Variants in DBF4 observed in about 807,000 individuals in gnomAD.
DBF4 encodes DBF4-CDC7 kinase regulatory subunit.
In DBF4, 25 loss-of-function variants were observed where a neutral mutation model predicts 76.6. The observed-to-expected ratio is 0.33, with a 90% CI of 0.24 to 0.46. The LOEUF (loss-of-function observed/expected upper bound fraction) is 0.46. DBF4 is among the 20% of genes least tolerant of loss of function. DBF4 has a pLI of 1.00. For missense variants in DBF4, 638 were observed against 760.8 expected (o/e 0.84, Z 1.90); for synonymous variants, 213 against 258.0 (o/e 0.83, Z 1.67).
chr7:87,878,307 T>C, intron 2 of DBF4, 82 bp downstream of exon 2: 1 of 1,132,794 alleles, frequency 8.8e-7, no homozygotes, highest in Non-Finnish European at 1.2e-6. Context: ...AATTTTTCAT[T>C]TTGGAAAACG....
chr7:87,905,183 A>G (rs927636999), intron 11 of DBF4, among the ~76,000 whole-genome samples: 12 of 152,202 alleles, frequency 7.9e-5, no homozygotes, highest in Middle Eastern at 3.2e-3. Context: ...AGAGCCAGAT[A>G]GTTGATATTT....
intron 2 of DBF4, among the ~76,000 whole-genome samples, chr7:87,884,749 C>T (rs1350984947): frequency 6.6e-6 from 1 of 152,088 alleles, no homozygotes; most frequent in African/African-American, 2.4e-5. Context: ...TTTTACTGTG[C>T]TTGGCATATG....
intron 2 of DBF4, among the ~76,000 whole-genome samples, chr7:87,884,677 G>A (rs150249248): frequency 0.011 from 1,611 of 152,282 alleles, 35 homozygotes; most frequent in African/African-American, 0.037. Flanking sequence ...CAGAGATCTA[G>A]GTTCAGAAAA....
intron 5 of DBF4, 30 bp from the exon 6 acceptor site, chr7:87,887,953 A>T (rs1839400144): frequency 6.6e-7 from 1 of 1,507,428 alleles, no homozygotes; most frequent in South Asian, 1.3e-5. Context: ...TAAAATTGCT[A>T]ATCTTAAAAC....
rs990671073 is a variant in DBF4, at chr7:87,907,125, C to G, written c.1050-63C>G. On this transcript the variant is annotated intron_variant, in intron 11 of 11. Coordinates refer to ENST00000265728, the MANE Select transcript of DBF4 (RefSeq NM_006716.4). ...ATGTTTTTACTAATTTAATTTCTAA[C>G]TACTCAGGAATTTGTTTTGATAGCA... 12 of 1,359,410 alleles carry G rather than the reference C, an allele frequency of 8.8e-6. No homozygotes were observed. The African/African-American group carries it at 1.8e-4, about 20-fold the overall frequency. The allele number at this position is 1,359,410 out of a possible 1,614,324, so 84.2% of individuals were successfully genotyped here.
rs922533252 is a variant in DBF4, at chr7:87,882,351, G to T, written c.220-2628G>T. 2.8e-4 allele frequency among the ~76,000 whole-genome samples: 42 copies of T among 152,170 alleles called. 1 individual carries two copies. Among genetic ancestry groups the T allele is most frequent in the Admixed American group, 2.7e-3 (42 of 15,288 alleles). On this transcript the variant is annotated intron_variant, in intron 2 of 11. Transcript: ENST00000265728. The stretch of plus-strand genomic sequence containing the variant: ...CTCAAAATGGATCTAAGATTTATTT[G>T]TAAGAACTGAAACTCTTAGTGGAAA...
chr7:87,879,209 A>G (rs566612078), intron 2 of DBF4, among the ~76,000 whole-genome samples: 1 of 152,274 alleles, frequency 6.6e-6, no homozygotes, highest in East Asian at 1.9e-4. Flanking sequence ...TCAGCCTTCT[A>G]AAGCGCTGGG....
chr7:87,884,497 A>G (rs1839294954), intron 2 of DBF4, among the ~76,000 whole-genome samples: 1 of 152,246 alleles, frequency 6.6e-6, no homozygotes, highest in African/African-American at 2.4e-5. Flanking sequence ...ATTATTTGCT[A>G]CTGGGTAACA....
Position 87,876,674 on chromosome 7 carries a change from C to CG in DBF4, c.-58dup, listed in dbSNP as rs1320597895. Reference sequence around the variant, plus strand: ...AACAGGCCGGGGGAAGCCGTGCTTTCGCGGCTGCCCGGTGCGACACTTTCT... The same window carrying CG: ...AACAGGCCGGGGGAAGCCGTGCTTTCGGCGGCTGCCCGGTGCGACACTTTCT... On this transcript the variant is annotated 5_prime_UTR_variant, in exon 1 of 12. Transcript: ENST00000265728. 2 of 1,598,872 alleles carry CG rather than the reference C, an allele frequency of 1.3e-6. No individual in the cohort carries two copies. The highest frequency in any genetic ancestry group is 1.7e-6 in the Non-Finnish European group (2 of 1,170,394).
chr7:87,896,661 C>G, intron 7 of DBF4, 151 bp downstream of exon 7: 2 of 581,322 alleles, frequency 3.4e-6, no homozygotes, highest in South Asian at 6.3e-5. Context: ...TTTGGTGAAG[C>G]CTGTGGACCG....
rs1839983538 is a variant in DBF4 at position 87,909,192 on chromosome 7, TTACTGA to T, written c.*1033_*1038del. On this transcript the variant is annotated 3_prime_UTR_variant, in exon 12 of 12. Transcript: ENST00000265728. ...TACAAGGATTGCCTTGATCTGGCAC[TTACTGA>T]TACAAGCATTTGGAGAAGAGAAAAT... is the stretch of plus-strand genomic sequence containing the variant. The T allele has an allele frequency of 6.6e-6, 1 of 152,242 alleles. No individual in the cohort carries two copies. Among genetic ancestry groups the T allele is most frequent in the Non-Finnish European group, 1.5e-5 (1 of 68,036 alleles). 9.4% of individuals were successfully genotyped at this position (152,242 alleles called of 1,614,324 possible).
At position 87,900,965 on chromosome 7, in the gene DBF4, A is replaced by G. The variant is rs944221563; in HGVS notation, c.924+87A>G. ...TTTAGCTTGTTATTCTGATGCAGAT[A>G]TTTTACATTTTAAGAACTCAAGGGA... On this transcript the variant is annotated intron_variant, in intron 10 of 11. Coordinates refer to ENST00000265728, the MANE Select transcript of DBF4 (RefSeq NM_006716.4). 5 of 1,111,488 alleles carry G rather than the reference A, an allele frequency of 4.5e-6. No homozygotes were observed. The African/African-American group carries it at 6.3e-5, about 14-fold the overall frequency. The allele number at this position is 1,111,488 out of a possible 1,614,324, so 68.9% of individuals were successfully genotyped here.
chr7:87,878,000 A>G (rs1030347265), intron 1 of DBF4, 53 bp from the exon 2 acceptor site: 4 of 1,322,328 alleles, frequency 3.0e-6, no homozygotes, highest in African/African-American at 1.5e-5. Context: ...GAAATATTTT[A>G]AAAATAGTAA....
At chr7:87,901,101 C>T (rs959873282) in intron 10 of DBF4, among the ~76,000 whole-genome samples, 8 of 151,782 alleles carry the variant, frequency 5.3e-5, no homozygotes, top group Non-Finnish European at 7.4e-5. Context: ...AATTTTTTAC[C>T]GTTGTGAAGA....
chr7:87,879,607 A>C (rs777993658), intron 2 of DBF4, among the ~76,000 whole-genome samples: 14 of 152,164 alleles, frequency 9.2e-5, no homozygotes, highest in African/African-American at 1.9e-4. Context: ...TAGCTTCTTA[A>C]TTCCCACAGC....
At chr7:87,902,609 A>C (rs1040224979) in intron 10 of DBF4, among the ~76,000 whole-genome samples, 1 of 152,226 alleles carries the variant, frequency 6.6e-6, no homozygotes, top group Non-Finnish European at 1.5e-5. Flanking sequence ...CTTTAAATTA[A>C]GACTTATAAG....
At chr7:87,905,046 G>A (rs996128602) in intron 11 of DBF4, among the ~76,000 whole-genome samples, 1 of 152,112 alleles carries the variant, frequency 6.6e-6, no homozygotes, top group African/African-American at 2.4e-5. Context: ...TGCCTCCCAG[G>A]TACAAAAGAT....
At position 87,884,918 on chromosome 7, in the gene DBF4, C is replaced by T. The variant is rs997642781; in HGVS notation, c.220-61C>T. The T allele has an allele frequency of 3.1e-6, 4 of 1,296,674 alleles. No homozygotes were observed. The African/African-American group carries it at 4.5e-5, about 14-fold the overall frequency. 80.3% of individuals were successfully genotyped at this position (1,296,674 alleles called of 1,614,324 possible). On this transcript the variant is annotated intron_variant, in intron 2 of 11. Coordinates refer to ENST00000265728, the MANE Select transcript of DBF4 (RefSeq NM_006716.4). ...TGCCACTGCACTCTAGCCTGGATAACACAGTGAGACCGTGTTTCTTAAAAC... is the reference window on the plus strand; with the variant it reads ...TGCCACTGCACTCTAGCCTGGATAATACAGTGAGACCGTGTTTCTTAAAAC...
chr7:87,907,576 G>C lies in DBF4; in HGVS notation c.1438G>C (p.Asp480His). 1 of 1,614,056 alleles carries C rather than the reference G, an allele frequency of 6.2e-7. No individual in the cohort carries two copies. Among genetic ancestry groups the C allele is most frequent in the Non-Finnish European group, 8.5e-7 (1 of 1,179,964 alleles). The change falls in exon 12 of 12, where the codon GAT becomes CAT. Residue 480 changes from aspartate to histidine, a missense_variant. Asp to His is a moderately conservative substitution (Grantham distance 81). Transcript: ENST00000265728. ...AAATGACTTAGAAGAACTAAGGGTA[G>C]ATCACTATAAATGTAACATACAGGC... The part of the protein sequence containing the change: ...SENDLEELRV[D>H]HYKCNIQASV...
Sources: allele counts gnomAD v4.1 joint callset (sites outside exome capture counted in the v4.1 genomes callset), GRCh38; gene constraint gnomAD v4.1.1; transcripts MANE v1.5; gene names NCBI Gene and HGNC (gene_info 2026-07-23, HGNC 2026-07-21).